The following CKAP5 variants were observed in gnomAD, a reference collection of about 807,000 sequenced individuals.
The protein encoded by CKAP5 is cytoskeleton associated protein 5, also known as cytoskeleton-associated protein 5.
A neutral mutation model predicts 232.8 loss-of-function variants in CKAP5; 27 were observed. The observed-to-expected ratio is 0.12, with a 90% CI of 0.09 to 0.16. The LOEUF is 0.16. CKAP5 is among the 10% of genes least tolerant of loss of function. CKAP5 has a pLI of 1.00. For synonymous variants in CKAP5, 785 were observed against 841.1 expected (o/e 0.93, Z 1.16); for missense variants, 1,838 against 2,424.7 (o/e 0.76, Z 5.08).
Position 46,795,737 on chromosome 11 carries a change from T to C in CKAP5, c.1507A>G (p.Lys503Glu). ...CSEKVELIHGKKAGLAADKKE... is the reference protein window; with the variant it reads ...CSEKVELIHGEKAGLAADKKE... ...TTATCAGCAGCTAGTCCAGCTTTCT[T>C]ACCATGTATCAGTTCTACCTTTTCT... is the stretch of plus-strand genomic sequence containing the variant. Residue 503 changes from lysine (K) to glutamate (E), a missense_variant, in exon 13 of 44, where the codon AAG (lysine) becomes GAG (glutamate). Lys to Glu is a moderately conservative substitution (Grantham distance 56). Transcript: ENST00000529230. 1 of 1,614,112 alleles carries C rather than the reference T, an allele frequency of 6.2e-7. No individual in the cohort carries two copies. Among genetic ancestry groups the C allele is most frequent in the Non-Finnish European group, 8.5e-7 (1 of 1,179,984 alleles).
intron 27 of CKAP5, among the ~76,000 whole-genome samples, chr11:46,766,954 T>C (rs140726860): frequency 1.3e-5 from 2 of 152,290 alleles, no homozygotes; most frequent in African/African-American, 4.8e-5. Context: ...TTGAAGGAGG[T>C]TGATTTAACT....
In CKAP5 at chr11:46,753,497, G is replaced by A; in HGVS notation, c.4870C>T (p.Leu1624=). 6.2e-7 allele frequency: 1 copy of A among 1,607,108 alleles called. No individual in the cohort carries two copies. Among genetic ancestry groups the A allele is most frequent in the Non-Finnish European group, 8.5e-7 (1 of 1,176,920 alleles). Reference sequence around the variant, plus strand: ...CGGGCAAGGCTCTCTATCTGAAACAGCTATCCAGACATACTTGTGTCAGGG... The same window carrying A: ...CGGGCAAGGCTCTCTATCTGAAACAACTATCCAGACATACTTGTGTCAGGG... The part of the protein sequence containing the change: ...YSCIIGNMIS[L]FQIESLAREA... Residue 1624 remains leucine, a splice_region_variant and synonymous_variant, in exon 37 of 44, where the codon CTG becomes TTG. Coordinates refer to ENST00000529230, the MANE Select transcript of CKAP5 (RefSeq NM_001008938.4).
At chr11:46,750,455 G>A (rs372610115) in intron 41 of CKAP5, 22 bp from the exon 42 acceptor site, 3 of 1,613,646 alleles carry the variant, frequency 1.9e-6, no homozygotes, top group Non-Finnish European at 2.5e-6. Context: ...GAAAAGGGAA[G>A]AGGTGGGGAT....
intron 4 of CKAP5, among the ~76,000 whole-genome samples, chr11:46,811,912 T>C (rs1428168730): frequency 2.0e-5 from 3 of 152,348 alleles, no homozygotes; most frequent in East Asian, 3.9e-4. Context: ...TTTACCTAGA[T>C]AGATCACAAA....
intron 8 of CKAP5, among the ~76,000 whole-genome samples, chr11:46,804,549 T>C (rs114968986): frequency 6.5e-4 from 99 of 152,320 alleles, no homozygotes; most frequent in African/African-American, 2.3e-3. Context: ...TTCTCATAAA[T>C]TGAGGCCTAC....
rs958735492 is a variant in CKAP5 at position 46,778,273 on chromosome 11, T to C, written c.2614A>G (p.Lys872Glu). ...CCTTCTTTCCTAATCTTCCAATTCT[T>C]ATCACCAATCTTAGATACCAACTCT... ...TSELVSKIGD[K>E]NWKIRKEGLD... The change falls in exon 22 of 44, where the codon AAG (lysine) becomes GAG (glutamate). Residue 872 changes from lysine (K) to glutamate (E), a missense_variant. Lys to Glu is a moderately conservative substitution (Grantham distance 56). Coordinates refer to ENST00000529230, the MANE Select transcript of CKAP5 (RefSeq NM_001008938.4). The C allele has an allele frequency of 1.9e-6, 3 of 1,613,868 alleles. No homozygotes were observed. Among genetic ancestry groups the C allele is most frequent in the African/African-American group, 1.3e-5 (1 of 74,928 alleles).
At chr11:46,840,646 T>C (rs1432462517) in intron 1 of CKAP5, among the ~76,000 whole-genome samples, 1 of 152,248 alleles carries the variant, frequency 6.6e-6, no homozygotes, top group African/African-American at 2.4e-5. Flanking sequence ...TGGTGGTCCC[T>C]GGAGCGTGGT....
rs756533751 is a variant in CKAP5 at position 46,751,566 on chromosome 11, G to A, written c.5134-32C>T. On this transcript the variant is annotated intron_variant, in intron 38 of 43. Coordinates refer to ENST00000529230, the MANE Select transcript of CKAP5 (RefSeq NM_001008938.4). ...AAAAAAGAATAAAAGAGTTAGGAGT[G>A]ACTGAAGAATGAGGATAATTTGTCA... 6.5e-6 allele frequency: 10 copies of A among 1,535,404 alleles called. No individual in the cohort carries two copies. The South Asian group carries it at 1.2e-4, about 18-fold the overall frequency.
At chr11:46,843,374 A>G (rs1267796068) in intron 1 of CKAP5, among the ~76,000 whole-genome samples, 1 of 152,090 alleles carries the variant, frequency 6.6e-6, no homozygotes. Context: ...ACTCCTTCAT[A>G]TGGAAGCCCC....
At chr11:46,766,324 C>T (rs940381685) in intron 27 of CKAP5, among the ~76,000 whole-genome samples, 8 of 152,078 alleles carry the variant, frequency 5.3e-5, no homozygotes, top group African/African-American at 1.4e-4. Flanking sequence ...AAAAATACTG[C>T]AAAACACTCG....
intron 8 of CKAP5, chr11:46,801,928 G>A (rs778786439): frequency 1.3e-5 from 2 of 152,348 alleles, no homozygotes; most frequent in African/African-American, 2.4e-5. Flanking sequence ...GCAGAGAGAC[G>A]AGAGGTCTGC....
intron 17 of CKAP5, 113 bp downstream of exon 17, chr11:46,784,375 G>A: frequency 1.2e-6 from 1 of 849,108 alleles, no homozygotes; most frequent in Non-Finnish European, 1.9e-6. Context: ...AAAAAATGCA[G>A]TATCAAAAAA....
At chr11:46,834,692 G>GCTATTAAAAA (rs1939876826) in intron 1 of CKAP5, among the ~76,000 whole-genome samples, 1 of 152,062 alleles carries the variant, frequency 6.6e-6, no homozygotes, top group Non-Finnish European at 1.5e-5. Context: ...TATGCTATTT[G>GCTATTAAAAA]GTGATATTCA....
In CKAP5 at chr11:46,758,919, T is replaced by A; in HGVS notation, c.4689+4A>T. On this transcript the variant is annotated splice_donor_region_variant and intron_variant, in intron 35 of 43. Coordinates refer to ENST00000529230, the MANE Select transcript of CKAP5 (RefSeq NM_001008938.4). ...AATCCCTGTCACGGGAGCACACCCA[T>A]TACCTGTGTCAGAGCTTGGATACTT... 1.2e-6 allele frequency: 2 copies of A among 1,613,710 alleles called. No individual in the cohort carries two copies. The highest frequency in any genetic ancestry group is 1.7e-6 in the Non-Finnish European group (2 of 1,179,864).
intron 8 of CKAP5, 72 bp from the exon 9 acceptor site, chr11:46,801,376 A>G (rs1939027937): frequency 7.3e-6 from 9 of 1,237,366 alleles, no homozygotes; most frequent in Admixed American, 6.9e-5. Flanking sequence ...TTTATTCTCA[A>G]AAGAACTCTG....
At chr11:46,797,734 G>T in intron 11 of CKAP5, 71 bp downstream of exon 11, 1 of 1,438,288 alleles carries the variant, frequency 7.0e-7, no homozygotes, top group Non-Finnish European at 9.5e-7. Flanking sequence ...AGTAGTCACT[G>T]TACATAATTT....
At chr11:46,819,534 G>C (rs1260633124) in intron 2 of CKAP5, among the ~76,000 whole-genome samples, 1 of 152,166 alleles carries the variant, frequency 6.6e-6, no homozygotes, top group Non-Finnish European at 1.5e-5. Flanking sequence ...TTAAGCATTA[G>C]TAAAGAATTA....
intron 20 of CKAP5, 53 bp downstream of exon 20, chr11:46,780,141 T>G (rs1409967091): frequency 1.4e-5 from 22 of 1,600,084 alleles, no homozygotes; most frequent in Non-Finnish European, 1.8e-5. Flanking sequence ...CAGTTTAGTC[T>G]TAATGAGATT....
intron 15 of CKAP5, among the ~76,000 whole-genome samples, 189 bp downstream of exon 15, chr11:46,789,887 T>A (rs749409504): frequency 6.6e-6 from 1 of 152,220 alleles, no homozygotes; most frequent in Non-Finnish European, 1.5e-5. Flanking sequence ...GGCCATAGAA[T>A]ACTGATGTTT....
Sources: allele counts gnomAD v4.1 joint callset (sites outside exome capture counted in the v4.1 genomes callset), GRCh38; gene constraint gnomAD v4.1.1; transcripts MANE v1.5; gene names NCBI Gene and HGNC (gene_info 2026-07-23, HGNC 2026-07-21).